Variants in PTCHD4 observed in about 807,000 individuals in gnomAD.
PTCHD4 encodes the protein patched domain containing 4, also known as patched domain-containing protein 4.
PTCHD4 carries 33 observed loss-of-function variants against 58.1 expected under a neutral mutation model. That is an observed-to-expected ratio of 0.57 (90% CI 0.43 to 0.76). PTCHD4 has a LOEUF of 0.76. Among genes scored for constraint, PTCHD4 ranks in the 30% least tolerant of loss-of-function variants. The pLI is 0.00. For missense variants in PTCHD4, 1,058 were observed against 1,027.1 expected (o/e 1.03, Z -0.41); for synonymous variants, 478 against 409.6 (o/e 1.17, Z -2.02).
intron 1 of PTCHD4, among the ~76,000 whole-genome samples, chr6:48,073,747 C>T (rs527834678): frequency 2.6e-5 from 4 of 152,148 alleles, no homozygotes; most frequent in East Asian, 1.9e-4. Context: ...GGAAAAGAGC[C>T]GGAAGAAGCA....
chr6:48,090,633 GTA>G (rs1193764239), intron 1 of PTCHD4, among the ~76,000 whole-genome samples: 2 of 152,156 alleles, frequency 1.3e-5, no homozygotes, highest in East Asian at 3.8e-4. Flanking sequence ...GAAAACCAGG[GTA>G]TAAAGGGCTT....
At chr6:48,092,201 G>T (rs1226534229) in intron 1 of PTCHD4, among the ~76,000 whole-genome samples, 1 of 152,092 alleles carries the variant, frequency 6.6e-6, no homozygotes, top group Non-Finnish European at 1.5e-5. Flanking sequence ...TGAAACCCAG[G>T]GAGAAATTAA....
chr6:48,016,443 A>T (rs74621792), intron 3 of PTCHD4, among the ~76,000 whole-genome samples: 8,623 of 152,070 alleles, frequency 0.057, 370 homozygotes, highest in African/African-American at 0.088. Flanking sequence ...ATTCTAAAGG[A>T]AAGAGCTCAG....
At chr6:48,015,799 T>G (rs1762847909) in intron 3 of PTCHD4, among the ~76,000 whole-genome samples, 2 of 152,028 alleles carry the variant, frequency 1.3e-5, no homozygotes, top group African/African-American at 4.8e-5. Flanking sequence ...TTTCCTGTTT[T>G]GTTCACTGAT....
intron 4 of PTCHD4, among the ~76,000 whole-genome samples, chr6:47,962,264 T>G (rs1767126900): frequency 1.3e-5 from 2 of 152,138 alleles, no homozygotes; most frequent in Non-Finnish European, 2.9e-5. Flanking sequence ...CCTTTGCAGA[T>G]TAAGGGGAAC....
chr6:47,921,608 C>G (rs9349436), intron 4 of PTCHD4, among the ~76,000 whole-genome samples: 36,950 of 151,886 alleles, frequency 0.24, 4,677 homozygotes, highest in African/African-American at 0.32. Context: ...AGAGACAGTG[C>G]CATGAGCTCT....
Position 47,912,042 on chromosome 6 carries a change from A to G in PTCHD4, c.899-32106T>C, listed in dbSNP as rs114955237. Among the ~76,000 whole-genome samples the G allele has an allele frequency of 2.5e-3, 377 of 152,240 alleles. 3 individuals are homozygous for G. The highest frequency in any genetic ancestry group is 8.2e-3 in the African/African-American group (339 of 41,580). ...GACACAAGTGTTTCAAGTGGAGGGC[A>G]TGATCAATTGTGTCAAATGTTGCTC... is the stretch of plus-strand genomic sequence containing the variant. On this transcript the variant is annotated intron_variant, in intron 4 of 4. Coordinates refer to ENST00000339488, the MANE Select transcript of PTCHD4 (RefSeq NM_001384253.1).
chr6:47,890,361 A>G (rs1409731318), intron 4 of PTCHD4, among the ~76,000 whole-genome samples: 5 of 152,076 alleles, frequency 3.3e-5, no homozygotes, highest in Non-Finnish European at 7.4e-5. Flanking sequence ...ACGATTTGAT[A>G]TTGTAGTTAG....
At position 47,879,193 on chromosome 6, in the gene PTCHD4, C is replaced by T; in HGVS notation, c.1642G>A (p.Val548Met). 4 of 1,612,532 alleles carry T rather than the reference C, an allele frequency of 2.5e-6. No homozygotes were observed. The highest frequency in any genetic ancestry group is 1.7e-4 in the Middle Eastern group (1 of 6,058). The change falls in exon 5 of 5, where the codon GTG becomes ATG. Residue 548 changes from valine to methionine, a missense_variant. Coordinates refer to ENST00000339488, the MANE Select transcript of PTCHD4 (RefSeq NM_001384253.1). ...LCSGFTAVSW[V>M]EQYYQFLKVS... Reference sequence around the variant, plus strand: ...TTCAGGAACTGGTAGTACTGCTCCACCCAGGACACTGCAGTGAATCCACTA... The same window carrying T: ...TTCAGGAACTGGTAGTACTGCTCCATCCAGGACACTGCAGTGAATCCACTA...
intron 1 of PTCHD4, among the ~76,000 whole-genome samples, chr6:48,099,351 G>T (rs893680708): frequency 3.9e-5 from 6 of 152,150 alleles, no homozygotes; most frequent in Non-Finnish European, 1.5e-5. Flanking sequence ...CTAGAACTTG[G>T]TATCATTGCT....
At chr6:47,938,726 A>G (rs1766103771) in intron 4 of PTCHD4, among the ~76,000 whole-genome samples, 1 of 152,222 alleles carries the variant, frequency 6.6e-6, no homozygotes, top group Admixed American at 6.5e-5. Context: ...CTGCTACACA[A>G]GTACAGTTGC....
chr6:47,872,002 G>T lies in PTCHD4; in HGVS notation c.*6301C>A, dbSNP rs1190145214. Among the ~76,000 whole-genome samples the T allele has an allele frequency of 6.6e-6, 1 of 150,852 alleles. No individual in the cohort carries two copies. The highest frequency in any genetic ancestry group is 1.5e-5 in the Non-Finnish European group (1 of 67,592). On this transcript the variant is annotated 3_prime_UTR_variant, in exon 5 of 5. Coordinates refer to ENST00000339488, the MANE Select transcript of PTCHD4 (RefSeq NM_001384253.1). The stretch of plus-strand genomic sequence containing the variant: ...AAATAGATGCTACAGACTGTACCAG[G>T]AGATGCAAGAATATGACGGCTTATT...
At chr6:48,062,463 C>G (rs961287196) in intron 3 of PTCHD4, among the ~76,000 whole-genome samples, 1 of 152,072 alleles carries the variant, frequency 6.6e-6, no homozygotes, top group Non-Finnish European at 1.5e-5. Flanking sequence ...CCCCACCCCC[C>G]ACTTTTTTTT....
chr6:47,881,556 A>G (rs1041719591), intron 4 of PTCHD4, among the ~76,000 whole-genome samples: 6 of 152,164 alleles, frequency 3.9e-5, no homozygotes, highest in Admixed American at 2.6e-4. Flanking sequence ...TGGCTAAGCC[A>G]TTGTAGGTAA....
Position 47,877,787 on chromosome 6 carries a change from T to C in PTCHD4, c.*516A>G, listed in dbSNP as rs2114092825. Among the ~76,000 whole-genome samples, 1 of 152,172 alleles carries C rather than the reference T, an allele frequency of 6.6e-6. No homozygotes were observed. The highest frequency in any genetic ancestry group is 2.4e-5 in the African/African-American group (1 of 41,552). ...TAAGTATATGTATATACGGGATATA[T>C]ACATATATATGTACACATAAAATGG... On this transcript the variant is annotated 3_prime_UTR_variant, in exon 5 of 5. Coordinates refer to ENST00000339488, the MANE Select transcript of PTCHD4 (RefSeq NM_001384253.1).
intron 3 of PTCHD4, among the ~76,000 whole-genome samples, chr6:48,041,576 C>T (rs768695405): frequency 6.6e-5 from 10 of 151,962 alleles, no homozygotes; most frequent in Non-Finnish European, 1.2e-4. Context: ...TCACAGGTTA[C>T]TGATCGCCGC....
rs1018876852 is a variant in PTCHD4, at chr6:47,871,864, A to C, written c.*6439T>G. On this transcript the variant is annotated 3_prime_UTR_variant, in exon 5 of 5. Transcript: ENST00000339488. The stretch of plus-strand genomic sequence containing the variant: ...GAAAGTATAATAAAGTTGTTGCTTA[A>C]ACTACTAAAACTTTGGGATATTTGC... 2.6e-5 allele frequency among the ~76,000 whole-genome samples: 4 copies of C among 151,648 alleles called. No individual in the cohort carries two copies. Among genetic ancestry groups the C allele is most frequent in the Admixed American group, 1.3e-4 (2 of 15,180 alleles).
intron 1 of PTCHD4, among the ~76,000 whole-genome samples, chr6:48,086,373 G>T (rs919696176): frequency 2.0e-5 from 3 of 151,806 alleles, no homozygotes; most frequent in Non-Finnish European, 4.4e-5. Flanking sequence ...AAATAAACAG[G>T]CAGCAGTCTG....
At chr6:47,910,347 G>A (rs1003899937) in intron 4 of PTCHD4, among the ~76,000 whole-genome samples, 6 of 152,106 alleles carry the variant, frequency 3.9e-5, no homozygotes, top group Admixed American at 6.6e-5. Context: ...ACCTGTGTCT[G>A]TTAGCCCCCT....
Sources: gnomAD v4.1 joint callset for allele counts (sites outside exome capture counted in the v4.1 genomes callset) on GRCh38, gnomAD v4.1.1 for gene constraint, MANE v1.5 for transcripts, NCBI Gene and HGNC (gene_info 2026-07-23, HGNC 2026-07-21) for gene names.